SOX5: variants seen among roughly 807,000 people sequenced by gnomAD.
SOX5 encodes the protein SRY-box transcription factor 5.
In SOX5, 9 loss-of-function variants were observed where a neutral mutation model predicts 92.0. That is an observed-to-expected ratio of 0.10 (90% CI 0.06 to 0.17). The LOEUF (loss-of-function observed/expected upper bound fraction) is 0.17. Among genes scored for constraint, SOX5 ranks in the 10% least tolerant of loss-of-function variants. The probability of loss-of-function intolerance (pLI) is 1.00; values close to 1 mark genes in which losing one functional copy is unlikely to be tolerated. For synonymous variants in SOX5, 344 were observed against 336.3 expected, an observed-to-expected ratio of 1.02 and a Z score of -0.25; for missense variants, 642 against 944.5, an observed-to-expected ratio of 0.68 and a Z score of 4.20.
intron 2 of SOX5, among the ~76,000 whole-genome samples, chr12:24,287,686 T>C (rs1311455668): frequency 7.2e-6 from 1 of 139,006 alleles, no homozygotes; most frequent in East Asian, 2.2e-4. Context: ...ATTCTTAAAA[T>C]CATTTTTTCT....
intron 3 of SOX5, among the ~76,000 whole-genome samples, chr12:24,245,089 T>A (rs1362548208): frequency 6.6e-6 from 1 of 152,236 alleles, no homozygotes; most frequent in Non-Finnish European, 1.5e-5. Context: ...AGAGGGCTCA[T>A]CACAGTGTTT....
chr12:24,499,005 C>T (rs1184821699), intron 1 of SOX5, among the ~76,000 whole-genome samples: 1 of 152,178 alleles, frequency 6.6e-6, no homozygotes, highest in Non-Finnish European at 1.5e-5. Flanking sequence ...TGTAATACTG[C>T]CTTCTCAAAG....
chr12:24,103,285 T>A (rs1418216767), intron 4 of SOX5, among the ~76,000 whole-genome samples: 1 of 152,222 alleles, frequency 6.6e-6, no homozygotes, highest in Admixed American at 6.5e-5. Context: ...CTTTACATTT[T>A]ATACATTATT....
chr12:23,561,305 C>T (rs907034235), intron 11 of SOX5, among the ~76,000 whole-genome samples: 4 of 152,048 alleles, frequency 2.6e-5, no homozygotes, highest in Non-Finnish European at 5.9e-5. Context: ...GGAGATGGAA[C>T]GAGAAGTGGC....
At position 23,661,491 on chromosome 12, in the gene SOX5, A is replaced by G. The variant is rs16926539; in HGVS notation, c.931+3953T>C. 3.6e-3 allele frequency among the ~76,000 whole-genome samples: 550 copies of G among 152,308 alleles called. 4 individuals are homozygous for G. Among genetic ancestry groups the G allele is most frequent in the African/African-American group, 0.012 (517 of 41,580 alleles). ...CTCAAATGTCGCTCTCAAGTATAAA[A>G]TTTTAGGCTGACACCAACATGAACA... On this transcript the variant is annotated intron_variant, in intron 7 of 14. Coordinates refer to ENST00000451604, the MANE Select transcript of SOX5 (RefSeq NM_006940.6).
At chr12:24,055,291 G>A (rs1957985254) in intron 4 of SOX5, among the ~76,000 whole-genome samples, 1 of 152,170 alleles carries the variant, frequency 6.6e-6, no homozygotes, top group Non-Finnish European at 1.5e-5. Context: ...AGTGACTCAT[G>A]CCCTGATTAT....
chr12:23,589,549 AAG>A (rs1177217714), intron 9 of SOX5, among the ~76,000 whole-genome samples: 1 of 152,002 alleles, frequency 6.6e-6, no homozygotes, highest in East Asian at 1.9e-4. Flanking sequence ...CCAGGGCAAA[AAG>A]AGGTAAATGG....
At position 23,924,280 on chromosome 12, in the gene SOX5, C is replaced by T. The variant is rs113584248; in HGVS notation, c.38+25284G>A. ...TGCTTCTTTCACACTTGATAGGCTA[C>T]GTTGTCACTACTTCCTCAGCCTGTA... On this transcript the variant is annotated intron_variant, in intron 1 of 14. Transcript: ENST00000451604. Among the ~76,000 whole-genome samples the T allele has an allele frequency of 9.1e-3, 1,378 of 152,248 alleles. 19 individuals carry two copies. Among genetic ancestry groups the T allele is most frequent in the Non-Finnish European group, 0.012 (824 of 67,996 alleles).
At chr12:23,641,863 T>C (rs971083003) in intron 7 of SOX5, among the ~76,000 whole-genome samples, 4 of 152,208 alleles carry the variant, frequency 2.6e-5, no homozygotes, top group African/African-American at 9.7e-5. Context: ...GTGTTGAATA[T>C]TGCACGCATG....
At chr12:24,454,648 T>G (rs1403878092) in intron 1 of SOX5, among the ~76,000 whole-genome samples, 2 of 152,234 alleles carry the variant, frequency 1.3e-5, no homozygotes, top group Non-Finnish European at 2.9e-5. Flanking sequence ...CCTCTGGTTT[T>G]TAAAAATTTC....
chr12:24,478,050 T>C (rs568709068), intron 1 of SOX5, among the ~76,000 whole-genome samples: 1 of 152,188 alleles, frequency 6.6e-6, no homozygotes, highest in African/African-American at 2.4e-5. Flanking sequence ...TAATTCAATA[T>C]GTAAAAGTGA....
chr12:24,341,451 TG>T lies in SOX5; in HGVS notation c.-174+27111del, dbSNP rs528721306. Among the ~76,000 whole-genome samples the T allele has an allele frequency of 1.2e-3, 179 of 152,346 alleles. 1 individual carries two copies. Among genetic ancestry groups the T allele is most frequent in the African/African-American group, 4.2e-3 (173 of 41,572 alleles). ...TGTGATCACACCACTTCACTCCACCTGGGTGACAGAACGAAACCGTCTCAAA... is the reference window on the plus strand; with the variant it reads ...TGTGATCACACCACTTCACTCCACCTGGTGACAGAACGAAACCGTCTCAAA... On this transcript the variant is annotated intron_variant, in intron 2 of 4. Coordinates refer to the SOX5 transcript ENST00000446891.
intron 7 of SOX5, among the ~76,000 whole-genome samples, chr12:23,655,704 T>A (rs2082221816): frequency 1.3e-5 from 2 of 152,092 alleles, no homozygotes; most frequent in Admixed American, 6.6e-5. Flanking sequence ...GCTTCCTAAA[T>A]CACTACAATG....
intron 2 of SOX5, among the ~76,000 whole-genome samples, chr12:24,356,319 A>G (rs1274180487): frequency 1.3e-5 from 2 of 152,184 alleles, no homozygotes; most frequent in African/African-American, 2.4e-5. Flanking sequence ...TTTAGTAAAG[A>G]GATGAATATA....
chr12:24,316,154 A>G (rs1949677381), intron 2 of SOX5, among the ~76,000 whole-genome samples: 1 of 152,212 alleles, frequency 6.6e-6, no homozygotes, highest in South Asian at 2.1e-4. Flanking sequence ...CATCAGGAAC[A>G]TGCCAGGAAG....
intron 4 of SOX5, among the ~76,000 whole-genome samples, chr12:24,203,216 G>A (rs1271484872): frequency 6.6e-6 from 1 of 152,086 alleles, no homozygotes; most frequent in Non-Finnish European, 1.5e-5. Context: ...CCCGAATTTG[G>A]AAATAGGGAG....
chr12:23,761,198 T>G (rs2094553192), intron 3 of SOX5, among the ~76,000 whole-genome samples: 1 of 152,122 alleles, frequency 6.6e-6, no homozygotes, highest in Non-Finnish European at 1.5e-5. Context: ...ATTATAGAGC[T>G]GAAAAGGTCT....
At chr12:24,289,331 C>G (rs979902104) in intron 2 of SOX5, among the ~76,000 whole-genome samples, 3 of 152,054 alleles carry the variant, frequency 2.0e-5, no homozygotes, top group Non-Finnish European at 4.4e-5. Flanking sequence ...CAAACCTAAT[C>G]CATAAAAATA....
intron 4 of SOX5, among the ~76,000 whole-genome samples, chr12:23,992,386 A>G (rs953690030): frequency 6.6e-6 from 1 of 152,194 alleles, no homozygotes; most frequent in African/African-American, 2.4e-5. Flanking sequence ...ACTTACTTAT[A>G]TTATTTCAAA....
Sources: allele counts gnomAD v4.1 joint callset (sites outside exome capture counted in the v4.1 genomes callset), GRCh38; gene constraint gnomAD v4.1.1; transcripts MANE v1.5; gene names NCBI Gene and HGNC (gene_info 2026-07-23, HGNC 2026-07-21).